SLC25A24: variants seen among roughly 807,000 people sequenced by gnomAD.
The protein encoded by SLC25A24 is solute carrier family 25 member 24, also known as mitochondrial adenyl nucleotide antiporter SLC25A24.
In SLC25A24, 49 loss-of-function variants were observed where a neutral mutation model predicts 60.7. The ratio of observed to expected loss-of-function variants is 0.81; its 90% CI spans 0.64 to 1.02. The LOEUF (loss-of-function observed/expected upper bound fraction) is 1.02. Ranked by LOEUF, SLC25A24 falls within the 50% of genes least tolerant of loss-of-function variation. SLC25A24 has a pLI of 0.00. For synonymous variants in SLC25A24, 202 were observed against 200.6 expected, an observed-to-expected ratio of 1.01 and a Z score of -0.06; for missense variants, 564 against 586.3, an observed-to-expected ratio of 0.96 and a Z score of 0.39.
At chr1:108,194,398 G>A (rs1648432018) in intron 1 of SLC25A24, among the ~76,000 whole-genome samples, 1 of 137,028 alleles carries the variant, frequency 7.3e-6, no homozygotes, top group Non-Finnish European at 1.6e-5. Flanking sequence ...AGAAAATGTA[G>A]GTAGTGGCAA....
rs1407756273 is a variant in SLC25A24, at chr1:108,190,850, G to A, written c.184-4896C>T. ...CAATGGTGCTCCTCTGAAACAGAAT[G>A]TTCTGTGTGGTTGGTGCAGAATTCT... On this transcript the variant is annotated intron_variant, in intron 1 of 9. Transcript: ENST00000565488. 1.4e-5 allele frequency among the ~76,000 whole-genome samples: 2 copies of A among 138,476 alleles called. 1 individual carries two copies. Among genetic ancestry groups the A allele is most frequent in the Non-Finnish European group, 3.2e-5 (2 of 63,458 alleles). The allele number at this position is 138,476 out of a possible 152,430, so 90.8% of individuals were successfully genotyped here. A position where few individuals can be genotyped will look rare whatever the true frequency, so the allele number is the denominator to read the frequency against.
At chr1:108,186,431 C>G (rs936781203) in intron 1 of SLC25A24, among the ~76,000 whole-genome samples, 1 of 151,964 alleles carries the variant, frequency 6.6e-6, no homozygotes, top group Non-Finnish European at 1.5e-5. Flanking sequence ...TTGGTGCATG[C>G]CTGTAAATAC....
chr1:108,166,743 C>G (rs552438480), intron 3 of SLC25A24, among the ~76,000 whole-genome samples: 1 of 152,178 alleles, frequency 6.6e-6, no homozygotes, highest in Non-Finnish European at 1.5e-5. Context: ...GTTTGAATGT[C>G]CTCCCATAGC....
At chr1:108,188,574 T>C (rs547938468) in intron 1 of SLC25A24, among the ~76,000 whole-genome samples, 1 of 152,168 alleles carries the variant, frequency 6.6e-6, no homozygotes, top group African/African-American at 2.4e-5. Context: ...AATGGAAATA[T>C]CAGCGAACAA....
At chr1:108,148,468 G>T in intron 6 of SLC25A24, 82 bp from the exon 7 acceptor site, 1 of 797,284 alleles carries the variant, frequency 1.3e-6, no homozygotes, top group Non-Finnish European at 2.2e-6. Context: ...TGTTGAAGCT[G>T]TAACCTCCCA....
rs759503550 is a variant in SLC25A24 at position 108,192,652 on chromosome 1, T to C, written c.184-6698A>G. On this transcript the variant is annotated intron_variant, in intron 1 of 9. Coordinates refer to ENST00000565488, the MANE Select transcript of SLC25A24 (RefSeq NM_013386.5). ...ATGTCTCCCTCGCAGCTCCGCGGCC[T>C]GAGTGAGCCCCAGCGGGGTGGAAGT... 1.3e-6 allele frequency: 2 copies of C among 1,485,852 alleles called. 1 individual carries two copies. The highest frequency in any genetic ancestry group is 1.8e-6 in the Non-Finnish European group (2 of 1,107,654). The allele number at this position is 1,485,852 out of a possible 1,614,324, so 92.0% of individuals were successfully genotyped here. A position where few individuals can be genotyped will look rare whatever the true frequency, so the allele number is the denominator to read the frequency against.
chr1:108,154,580 ACT>A (rs1217455716), intron 6 of SLC25A24, among the ~76,000 whole-genome samples: 1 of 152,086 alleles, frequency 6.6e-6, no homozygotes, highest in African/African-American at 2.4e-5. Flanking sequence ...GTCACTCCAA[ACT>A]CAGCTCAATT....
At chr1:108,186,878 G>A (rs901504624) in intron 1 of SLC25A24, among the ~76,000 whole-genome samples, 8 of 152,042 alleles carry the variant, frequency 5.3e-5, no homozygotes, top group Non-Finnish European at 8.8e-5. Flanking sequence ...GGGAGTTCAA[G>A]ACCAACCTGA....
chr1:108,172,321 GTTT>G (rs1460294862), intron 3 of SLC25A24, among the ~76,000 whole-genome samples: 1 of 152,148 alleles, frequency 6.6e-6, no homozygotes, highest in African/African-American at 2.4e-5. Context: ...GTGTTAGTCT[GTTT>G]TGTGTTGTTT....
intron 3 of SLC25A24, among the ~76,000 whole-genome samples, chr1:108,161,796 CTTT>C (rs976367644): frequency 6.7e-6 from 1 of 148,430 alleles, no homozygotes; most frequent in Non-Finnish European, 1.5e-5. Context: ...GCCTTTGAGT[CTTT>C]TTTTTTTATT....
chr1:108,155,283 T>G, intron 5 of SLC25A24, 148 bp from the exon 6 acceptor site: 1 of 722,468 alleles, frequency 1.4e-6, no homozygotes, highest in South Asian at 2.3e-5. Flanking sequence ...AAAATATATA[T>G]AATGATGAGA....
chr1:108,138,454 G>A (rs1679349268), intron 9 of SLC25A24, among the ~76,000 whole-genome samples: 2 of 152,152 alleles, frequency 1.3e-5, no homozygotes, highest in Admixed American at 1.3e-4. Context: ...ATAGAGTGGG[G>A]ATAGCAATAA....
chr1:108,195,112 G>T (rs935100911), intron 1 of SLC25A24, among the ~76,000 whole-genome samples: 2 of 152,192 alleles, frequency 1.3e-5, no homozygotes, highest in Non-Finnish European at 2.9e-5. Context: ...AAAAAGATAA[G>T]ATTTTTGAAC....
At chr1:108,172,169 CAT>C (rs1210835703) in intron 3 of SLC25A24, among the ~76,000 whole-genome samples, 2 of 152,172 alleles carry the variant, frequency 1.3e-5, no homozygotes, top group Admixed American at 6.5e-5. Context: ...ATGTGAAACA[CAT>C]GTTTCAGAGG....
Position 108,181,957 on chromosome 1 carries a change from CTGCT to C in SLC25A24, c.378_381del (p.Ala127SerfsTer2). The C allele has an allele frequency of 6.2e-7, 1 of 1,611,100 alleles. No individual in the cohort carries two copies. Among genetic ancestry groups the C allele is most frequent in the Non-Finnish European group, 8.5e-7 (1 of 1,177,698 alleles). On this transcript the variant is annotated frameshift_variant, in exon 3 of 10. Coordinates refer to ENST00000565488, the MANE Select transcript of SLC25A24 (RefSeq NM_013386.5). LOFTEE classifies it high-confidence loss of function. ...AGAGCTTACCTTTGAAGAATCAACTCTGCTTGTTGTTCAGAAATAGTCAGACCCA... is the reference window on the plus strand; with the variant it reads ...AGAGCTTACCTTTGAAGAATCAACTCTGTTGTTCAGAAATAGTCAGACCCA...
intron 4 of SLC25A24, among the ~76,000 whole-genome samples, chr1:108,159,994 T>C (rs946147228): frequency 3.3e-5 from 5 of 152,182 alleles, no homozygotes; most frequent in East Asian, 3.9e-4. Flanking sequence ...ACCTCCCAGA[T>C]GGGGTGGTGG....
At chr1:108,148,010 C>T (rs1571281216) in intron 7 of SLC25A24, among the ~76,000 whole-genome samples, 4 of 152,082 alleles carry the variant, frequency 2.6e-5, no homozygotes, top group African/African-American at 4.8e-5. Context: ...ATGTTTCCAG[C>T]CAATAGCCAG....
intron 8 of SLC25A24, among the ~76,000 whole-genome samples, chr1:108,142,190 C>T (rs114795910): frequency 2.2e-4 from 34 of 152,218 alleles, no homozygotes; most frequent in African/African-American, 8.2e-4. Flanking sequence ...GTAAGTGCAG[C>T]CACTATGGAA....
At chr1:108,175,054 A>G (rs479537) in intron 3 of SLC25A24, among the ~76,000 whole-genome samples, 107,381 of 152,060 alleles carry the variant, frequency 0.71, 38,358 homozygotes, top group African/African-American at 0.81. Context: ...TAAGACGCTG[A>G]GGGACTGCTG....
Sources: allele counts gnomAD v4.1 joint callset (sites outside exome capture counted in the v4.1 genomes callset), GRCh38; gene constraint gnomAD v4.1.1; transcripts MANE v1.5; gene names NCBI Gene and HGNC (gene_info 2026-07-23, HGNC 2026-07-21).